PCDHA7: variants seen among roughly 807,000 people sequenced by gnomAD.
PCDHA7 encodes protocadherin alpha 7.
In PCDHA7, 37 loss-of-function variants were observed where a neutral mutation model predicts 57.2. That is an observed-to-expected ratio of 0.65 (90% confidence interval 0.50 to 0.85). PCDHA7 has a LOEUF of 0.85. Ranked by LOEUF, PCDHA7 falls within the 40% of genes least tolerant of loss-of-function variation. The pLI, the probability that PCDHA7 is intolerant of heterozygous loss-of-function variation, is 0.00. For synonymous variants in PCDHA7, 553 were observed against 558.8 expected (o/e 0.99, Z 0.15); for missense variants, 1,188 against 1,241.8 (o/e 0.96, Z 0.65).
chr5:141,006,491 G>A (rs142641127), intron 3 of PCDHA7, among the ~76,000 whole-genome samples: 4,876 of 152,234 alleles, frequency 0.032, 273 homozygotes, highest in African/African-American at 0.11. Context: ...GGGATTACAT[G>A]TGTGAGCCAC....
intron 1 of PCDHA7, chr5:140,876,557 A>C: frequency 6.2e-7 from 1 of 1,614,156 alleles, no homozygotes; most frequent in Admixed American, 1.7e-5. Context: ...GTGCAAGAGG[A>C]TGCTCAGGTG....
chr5:140,834,708 A>G lies in PCDHA7; in HGVS notation c.325A>G (p.Ile109Val). ...SAECSIHLEV[I>V]VERPLQVFHV... is the part of the protein sequence containing the mutation. ...GGAGTGCAGCATCCACCTGGAGGTG[A>G]TCGTGGAAAGGCCGCTGCAGGTTTT... Residue 109 changes from isoleucine to valine, a missense_variant, in exon 1 of 4, where the codon ATC becomes GTC. Ile to Val is a conservative substitution (Grantham distance 29, BLOSUM62 3). Coordinates refer to ENST00000525929, the MANE Select transcript of PCDHA7 (RefSeq NM_018910.3). The G allele has an allele frequency of 2.5e-6, 4 of 1,614,234 alleles. No individual in the cohort carries two copies. In the South Asian group the frequency reaches 3.3e-5, roughly 13 times the overall value.
chr5:140,908,754 A>G (rs1403008536), intron 1 of PCDHA7, among the ~76,000 whole-genome samples: 1 of 152,184 alleles, frequency 6.6e-6, no homozygotes, highest in African/African-American at 2.4e-5. Context: ...ACTTGCACAC[A>G]GCCTGGACGT....
At chr5:140,934,771 A>G (rs1319115042) in intron 1 of PCDHA7, among the ~76,000 whole-genome samples, 2 of 152,184 alleles carry the variant, frequency 1.3e-5, no homozygotes, top group Non-Finnish European at 2.9e-5. Context: ...CATATTTGAT[A>G]TGGCCCAATC....
At chr5:140,925,537 A>G (rs1325632505) in intron 1 of PCDHA7, among the ~76,000 whole-genome samples, 4 of 152,070 alleles carry the variant, frequency 2.6e-5, no homozygotes, top group Non-Finnish European at 2.9e-5. Flanking sequence ...GAGGAGAAAT[A>G]CCTAATGTAA....
chr5:140,837,902 C>T (rs1358227516), intron 1 of PCDHA7, among the ~76,000 whole-genome samples: 2 of 151,630 alleles, frequency 1.3e-5, no homozygotes, highest in Non-Finnish European at 2.9e-5. Context: ...TGGTCTTGAA[C>T]TCCTGGCTTC....
chr5:141,010,276 TTGA>T lies in PCDHA7; in HGVS notation c.*343_*345del, dbSNP rs1554262867. On this transcript the variant is annotated 3_prime_UTR_variant, in exon 4 of 4. Transcript: ENST00000525929. ...TGCCCTGTGCTCCGGGGATCCTGTC[TTGA>T]TGACACTTGCAGGGCAGGCTGAAAA... is the stretch of plus-strand genomic sequence containing the variant. The T allele has an allele frequency of 4.5e-6, 7 of 1,551,580 alleles. No individual in the cohort carries two copies. The highest frequency in any genetic ancestry group is 6.1e-6 in the Non-Finnish European group (7 of 1,146,976).
At chr5:140,859,390 C>A (rs911308831) in intron 1 of PCDHA7, 1 of 268,118 alleles carries the variant, frequency 3.7e-6, no homozygotes, top group Non-Finnish European at 6.7e-6. Context: ...CTCTAGTCAT[C>A]TTAAACAGGG....
intron 1 of PCDHA7, chr5:140,966,674 G>A: frequency 7.7e-7 from 1 of 1,295,168 alleles, no homozygotes; most frequent in Non-Finnish European, 1.0e-6. Flanking sequence ...GGCGCAGGGT[G>A]GCACGAGCGG....
At chr5:140,869,304 G>A (rs1554162871) in intron 1 of PCDHA7, 3 of 1,613,648 alleles carry the variant, frequency 1.9e-6, no homozygotes, top group South Asian at 1.1e-5. Context: ...TCCGGGTGGC[G>A]TCCAAAACAC....
chr5:140,989,387 T>A (rs1269344397), intron 3 of PCDHA7, among the ~76,000 whole-genome samples: 2 of 152,122 alleles, frequency 1.3e-5, no homozygotes, highest in Non-Finnish European at 2.9e-5. Context: ...GTGGGAAAGA[T>A]GATATGGAGG....
chr5:141,011,221 A>G lies in PCDHA7; in HGVS notation c.*1284A>G, dbSNP rs1392607276. On this transcript the variant is annotated 3_prime_UTR_variant, in exon 4 of 4. Coordinates refer to ENST00000525929, the MANE Select transcript of PCDHA7 (RefSeq NM_018910.3). ...TCTCATACAGTGAGCAGATTTTTCA[A>G]TCTACTAATTCTGTGACTTGTCTTG... is the stretch of plus-strand genomic sequence containing the variant. The G allele has an allele frequency of 1.3e-5, 2 of 153,780 alleles. No individual in the cohort carries two copies. The highest frequency in any genetic ancestry group is 4.8e-5 in the African/African-American group (2 of 41,464). 9.5% of individuals were successfully genotyped at this position (153,780 alleles called of 1,614,324 possible).
intron 1 of PCDHA7, among the ~76,000 whole-genome samples, chr5:140,959,469 A>G (rs1180811354): frequency 5.3e-5 from 8 of 152,226 alleles, no homozygotes; most frequent in East Asian, 1.9e-4. Context: ...GTTGGCATCA[A>G]TCAAGGCATA....
At chr5:140,917,739 T>C (rs1554198287) in intron 1 of PCDHA7, among the ~76,000 whole-genome samples, 1 of 152,222 alleles carries the variant, frequency 6.6e-6, no homozygotes, top group African/African-American at 2.4e-5. Flanking sequence ...CTCTAACCTG[T>C]CCCATTGGTC....
chr5:140,942,629 A>C (rs1401408646), intron 1 of PCDHA7, among the ~76,000 whole-genome samples: 1 of 152,076 alleles, frequency 6.6e-6, no homozygotes, highest in Non-Finnish European at 1.5e-5. Flanking sequence ...TAAAAAAAAA[A>C]ATGGCAAAAG....
At chr5:140,953,218 C>T (rs575250415) in intron 1 of PCDHA7, among the ~76,000 whole-genome samples, 2 of 152,272 alleles carry the variant, frequency 1.3e-5, no homozygotes, top group East Asian at 3.9e-4. Flanking sequence ...ATCTTTCTTG[C>T]TTCTGCTTGG....
chr5:140,976,556 T>G (rs2096722872), intron 1 of PCDHA7, among the ~76,000 whole-genome samples: 1 of 151,920 alleles, frequency 6.6e-6, no homozygotes, highest in African/African-American at 2.4e-5. Flanking sequence ...ATCTCATAAA[T>G]AAATAAATAA....
intron 1 of PCDHA7, among the ~76,000 whole-genome samples, chr5:140,919,522 CT>C (rs1554199133): frequency 1.3e-5 from 2 of 152,000 alleles, no homozygotes; most frequent in Non-Finnish European, 2.9e-5. Flanking sequence ...TTTTAATTCT[CT>C]TTTTTTCCTA....
intron 1 of PCDHA7, chr5:140,849,874 A>G: frequency 6.3e-7 from 1 of 1,598,610 alleles, no homozygotes. Flanking sequence ...CAGTCCGAGT[A>G]CACGGTGTTC....
Sources: allele counts gnomAD v4.1 joint callset (sites outside exome capture counted in the v4.1 genomes callset), GRCh38; gene constraint gnomAD v4.1.1; transcripts MANE v1.5; gene names NCBI Gene and HGNC (gene_info 2026-07-23, HGNC 2026-07-21).